The following MTA3 variants were observed in gnomAD, a reference collection of about 807,000 sequenced individuals.
The protein encoded by MTA3 is metastasis-associated protein MTA3.
Under a neutral mutation model 83.5 loss-of-function variants are expected in MTA3, and 34 were observed. The ratio of observed to expected loss-of-function variants is 0.41; its 90% confidence interval spans 0.31 to 0.54. The LOEUF (loss-of-function observed/expected upper bound fraction) is 0.54, where lower values mean the gene tolerates loss of function less well. Ranked by LOEUF, MTA3 falls within the 20% of genes least tolerant of loss-of-function variation. The pLI, the probability that MTA3 is intolerant of heterozygous loss-of-function variation, is 0.33. For missense variants in MTA3, 761 were observed against 726.4 expected (o/e 1.05, Z -0.55); for synonymous variants, 303 against 252.7 (o/e 1.20, Z -1.89).
intron 16 of MTA3, among the ~76,000 whole-genome samples, chr2:42,728,348 C>T (rs533350042): frequency 4.6e-5 from 7 of 152,304 alleles, no homozygotes; most frequent in African/African-American, 1.2e-4. Context: ...TGTTGATGGA[C>T]ACTTAGGTTG....
intron 8 of MTA3, among the ~76,000 whole-genome samples, chr2:42,660,950 G>C (rs1191904672): frequency 6.6e-6 from 1 of 152,170 alleles, no homozygotes; most frequent in Non-Finnish European, 1.5e-5. Context: ...TTCCCAAAGT[G>C]CTGGGATTAC....
intron 8 of MTA3, among the ~76,000 whole-genome samples, chr2:42,666,996 T>C (rs1216086230): frequency 6.6e-6 from 1 of 152,198 alleles, no homozygotes; most frequent in African/African-American, 2.4e-5. Flanking sequence ...AATTTTATTA[T>C]ATCCCCAGAG....
chr2:42,577,105 A>AAAAAAAATATATAT (rs1211189566), intron 2 of MTA3, among the ~76,000 whole-genome samples: 4 of 86,952 alleles, frequency 4.6e-5, no homozygotes, highest in African/African-American at 1.6e-4. Context: ...AAAAAAAAAA[A>AAAAAAAATATATAT]ATATATATAT....
intron 16 of MTA3, chr2:42,723,306 G>A (rs1218776418): frequency 5.0e-6 from 2 of 402,226 alleles, no homozygotes; most frequent in Middle Eastern, 6.6e-4. Context: ...CTTCTGCTGG[G>A]TAATAATGTT....
At chr2:42,539,847 A>G (rs1379553589) in intron 2 of MTA3, among the ~76,000 whole-genome samples, 1 of 152,220 alleles carries the variant, frequency 6.6e-6, no homozygotes, top group East Asian at 1.9e-4. Flanking sequence ...TGCTAGGGTT[A>G]TAGGCATGAG....
intron 2 of MTA3, among the ~76,000 whole-genome samples, chr2:42,541,028 C>CA (rs1481328111): frequency 6.6e-6 from 1 of 151,018 alleles, no homozygotes; most frequent in Non-Finnish European, 1.5e-5. Context: ...AACCTTACTT[C>CA]AAATTTTTTT....
At chr2:42,548,714 G>A (rs1205416061) in intron 2 of MTA3, among the ~76,000 whole-genome samples, 1 of 142,428 alleles carries the variant, frequency 7.0e-6, no homozygotes, top group Admixed American at 7.5e-5. Context: ...GAGATGGGAG[G>A]ATCACCTGAG....
In MTA3 at chr2:42,640,243, C is replaced by T. The variant is rs1199275248; in HGVS notation, c.381+7C>T. 1.9e-6 allele frequency: 3 copies of T among 1,593,368 alleles called. No homozygotes were observed. The highest frequency in any genetic ancestry group is 2.3e-5 in the South Asian group (2 of 88,162). On this transcript the variant is annotated splice_region_variant and intron_variant, in intron 5 of 16. Transcript: ENST00000405094. ...GTCATATCTTGATAAGGAGGTAATT[C>T]ACAATCATAGTTGTTTTGTTTTTTT...
intron 8 of MTA3, among the ~76,000 whole-genome samples, chr2:42,670,046 G>T (rs527883695): frequency 6.6e-6 from 1 of 152,264 alleles, no homozygotes; most frequent in South Asian, 2.1e-4. Context: ...GATCATCTGA[G>T]GTCAGGAGTT....
intron 2 of MTA3, among the ~76,000 whole-genome samples, chr2:42,514,438 G>A (rs939661256): frequency 6.6e-6 from 1 of 152,064 alleles, no homozygotes; most frequent in African/African-American, 2.4e-5. Flanking sequence ...CTGGAGTGCA[G>A]GGGCACTGTC....
chr2:42,548,846 A>ATATATTATATATATATATATAAT (rs1553340715), intron 2 of MTA3, among the ~76,000 whole-genome samples: 1 of 15,056 alleles, frequency 6.6e-5, no homozygotes, highest in African/African-American at 2.6e-4. Context: ...ATATATATAT[A>ATATATTATATATATATATATAAT]ATATATATAT....
At chr2:42,668,892 A>G (rs1690531103) in intron 8 of MTA3, among the ~76,000 whole-genome samples, 2 of 152,148 alleles carry the variant, frequency 1.3e-5, no homozygotes, top group Admixed American at 1.3e-4. Context: ...TAACTTAGAA[A>G]AGACAATTTA....
intron 2 of MTA3, among the ~76,000 whole-genome samples, chr2:42,539,582 T>TC (rs1296576471): frequency 2.0e-5 from 3 of 147,646 alleles, no homozygotes; most frequent in African/African-American, 7.5e-5. Context: ...TAAAGCTTTT[T>TC]TTTTTTTTTT....
At chr2:42,544,636 C>A (rs1485624523) in intron 2 of MTA3, among the ~76,000 whole-genome samples, 1 of 151,346 alleles carries the variant, frequency 6.6e-6, no homozygotes, top group Non-Finnish European at 1.5e-5. Context: ...TGATTGCCAC[C>A]TCGGCCTCCC....
chr2:42,506,909 T>C lies in MTA3; in HGVS notation c.-141+11655T>C, dbSNP rs567662873. Among the ~76,000 whole-genome samples the C allele has an allele frequency of 2.0e-5, 3 of 151,270 alleles. No individual in the cohort carries two copies. In the East Asian group the frequency reaches 5.9e-4, roughly 30 times the overall value. ...GGTGTGAGCCACCGCGCCTGGCCTG[T>C]TTTATTTTTTTGAGACAGAGTCTCA... On this transcript the variant is annotated intron_variant, in intron 2 of 17. Transcript: ENST00000405592.
intron 3 of MTA3, among the ~76,000 whole-genome samples, chr2:42,587,769 T>C (rs1415179906): frequency 1.3e-5 from 2 of 152,082 alleles, no homozygotes. Flanking sequence ...ACCCAGCTAA[T>C]TTTTGCATTT....
chr2:42,590,888 A>G (rs1240469991), intron 3 of MTA3, among the ~76,000 whole-genome samples: 1 of 151,882 alleles, frequency 6.6e-6, no homozygotes, highest in South Asian at 2.1e-4. Flanking sequence ...TTTTTTTAAA[A>G]CTGTGTTCCA....
At chr2:42,637,399 A>G (rs1330135865) in intron 4 of MTA3, among the ~76,000 whole-genome samples, 2 of 152,310 alleles carry the variant, frequency 1.3e-5, no homozygotes, top group South Asian at 2.1e-4. Flanking sequence ...TAAATTGCCT[A>G]TGGTATCTGT....
At chr2:42,653,401 G>C (rs947163401) in intron 6 of MTA3, among the ~76,000 whole-genome samples, 2 of 152,084 alleles carry the variant, frequency 1.3e-5, no homozygotes, top group Non-Finnish European at 2.9e-5. Flanking sequence ...TCCAAAGATT[G>C]CTGCTAGCGT....
Sources: allele counts gnomAD v4.1 joint callset (sites outside exome capture counted in the v4.1 genomes callset), GRCh38; gene constraint gnomAD v4.1.1; transcripts MANE v1.5; gene names NCBI Gene and HGNC (gene_info 2026-07-23, HGNC 2026-07-21).